The following NTN1 variants were observed in gnomAD, a reference collection of about 807,000 sequenced individuals.
NTN1 encodes the protein netrin-1.
NTN1 carries 11 observed loss-of-function variants against 54.2 expected under a neutral mutation model. The observed-to-expected ratio is 0.20, with a 90% CI of 0.13 to 0.34. The LOEUF (loss-of-function observed/expected upper bound fraction) is 0.34. Among genes scored for constraint, NTN1 ranks in the 10% least tolerant of loss-of-function variants. The pLI, the probability that NTN1 is intolerant of heterozygous loss-of-function variation, is 1.00. For missense variants in NTN1, 740 were observed against 893.1 expected, an observed-to-expected ratio of 0.83 and a Z score of 2.18; for synonymous variants, 371 against 382.0, an observed-to-expected ratio of 0.97 and a Z score of 0.33.
In NTN1 at chr17:9,135,386, T is replaced by C. The variant is rs2092277675; in HGVS notation, c.1019-27427T>C. ...CCTGCCAACCAGACCACACTAACGTTGTTCTCATGCACGGCTTCCTCTGGC... is the reference window on the plus strand; with the variant it reads ...CCTGCCAACCAGACCACACTAACGTCGTTCTCATGCACGGCTTCCTCTGGC... On this transcript the variant is annotated intron_variant, in intron 2 of 6. Transcript: ENST00000173229. The surrounding 1 kb of genome is among the most constrained non-coding windows in gnomAD (Gnocchi z 4.4). Among the ~76,000 whole-genome samples, 1 of 152,180 alleles carries C rather than the reference T, an allele frequency of 6.6e-6. No homozygotes were observed. The highest frequency in any genetic ancestry group is 2.4e-5 in the African/African-American group (1 of 41,456).
the NTN1 span, among the ~76,000 whole-genome samples, chr17:9,003,535 G>A: frequency 5.4e-5 from 8 of 148,622 alleles, no homozygotes; most frequent in Admixed American, 1.3e-4. This position sits in a 1 kb window ranked among gnomAD's most constrained non-coding sequence, Gnocchi z 7.4. Context: ...CGCTGGCCCC[G>A]CGGTCGCGCA....
rs73259935 is a variant in NTN1 at position 9,209,421 on chromosome 17, G to A, written c.1412-11747G>A. ...AATCGATATTGCAGGGGGCCAGAGC[G>A]GACCTGTCAGACTCAGGCCTGGTGT... On this transcript the variant is annotated intron_variant, in intron 5 of 6. Transcript: ENST00000173229. Among the ~76,000 whole-genome samples the A allele has an allele frequency of 5.0e-3, 760 of 152,342 alleles. 9 individuals carry two copies. Among genetic ancestry groups the A allele is most frequent in the African/African-American group, 0.017 (727 of 41,574 alleles).
At chr17:9,226,162 C>CGGGGG (rs71135953) in intron 6 of NTN1, among the ~76,000 whole-genome samples, 12 of 116,526 alleles carry the variant, frequency 1.0e-4, no homozygotes, top group South Asian at 3.4e-4. Context: ...GATTTGGGGT[C>CGGGGG]GGGGGGGGGC....
chr17:9,023,355 C>G lies in NTN1; in HGVS notation c.982C>G (p.Gln328Glu). Residue 328 changes from glutamine to glutamate, a missense_variant, in exon 2 of 7, where the codon CAG becomes GAG. Gln to Glu is a conservative substitution (Grantham distance 29). Transcript: ENST00000173229. ...CKPFHYDRPW[Q>E]RATAREANEC... ...GCCCTTCCACTACGACCGGCCCTGG[C>G]AGCGCGCCACAGCCCGCGAAGCCAA... is the stretch of plus-strand genomic sequence containing the variant. 2 of 1,488,616 alleles carry G rather than the reference C, an allele frequency of 1.3e-6. No individual in the cohort carries two copies. The highest frequency in any genetic ancestry group is 1.8e-6 in the Non-Finnish European group (2 of 1,119,084). 92.2% of individuals were successfully genotyped at this position (1,488,616 alleles called of 1,614,324 possible). A position where few individuals can be genotyped will look rare whatever the true frequency, so the allele number is the denominator to read the frequency against.
intron 2 of NTN1, among the ~76,000 whole-genome samples, chr17:9,127,074 G>GA (rs1555570072): frequency 1.3e-5 from 2 of 149,828 alleles, no homozygotes; most frequent in African/African-American, 4.9e-5. Flanking sequence ...GTAGGGCCGG[G>GA]GGGGGGCAGG....
At position 9,239,561 on chromosome 17, in the gene NTN1, C is replaced by A. The variant is rs992121605; in HGVS notation, c.1487-79C>A. Reference sequence around the variant, plus strand: ...CACTTCCTGGGGCTGGGTCTCCTTTCCCTTCTCCCCAGGCTCAGGCAGGGC... The same window carrying A: ...CACTTCCTGGGGCTGGGTCTCCTTTACCTTCTCCCCAGGCTCAGGCAGGGC... On this transcript the variant is annotated intron_variant, in intron 6 of 6. Coordinates refer to ENST00000173229, the MANE Select transcript of NTN1 (RefSeq NM_004822.3). The surrounding 1 kb of genome is among the most constrained non-coding windows in gnomAD (Gnocchi z 5.2). 2 of 1,438,518 alleles carry A rather than the reference C, an allele frequency of 1.4e-6. No homozygotes were observed. Among genetic ancestry groups the A allele is most frequent in the African/African-American group, 2.8e-5 (2 of 71,648 alleles). 89.1% of individuals were successfully genotyped at this position (1,438,518 alleles called of 1,614,324 possible).
At chr17:9,017,007 C>A (rs2091833369), upstream of NTN1, among the ~76,000 whole-genome samples, 1 of 152,212 alleles carries the variant, frequency 6.6e-6, no homozygotes, top group South Asian at 2.1e-4. Flanking sequence ...CCATCCTCAG[C>A]AGATGGTGTC....
rs1905368543 is a variant in NTN1 at position 9,221,856 on chromosome 17, C to T, written c.1486+614C>T. Among the ~76,000 whole-genome samples, 1 of 152,148 alleles carries T rather than the reference C, an allele frequency of 6.6e-6. No homozygotes were observed. Among genetic ancestry groups the T allele is most frequent in the Non-Finnish European group, 1.5e-5 (1 of 68,024 alleles). On this transcript the variant is annotated intron_variant, in intron 6 of 6. Transcript: ENST00000173229. The surrounding 1 kb of genome is among the most constrained non-coding windows in gnomAD (Gnocchi z 4.5). ...GGGAAGGGTGTGTCCTGTCCCCTTG[C>T]TCTCATGGTGGTCGTGGAGAGTGGA...
chr17:9,158,747 G>A (rs757545962), intron 2 of NTN1, among the ~76,000 whole-genome samples: 15 of 152,286 alleles, frequency 9.8e-5, no homozygotes, highest in Non-Finnish European at 1.5e-4. Context: ...GTGTGCAGGC[G>A]TGACAGTCGT....
intron 2 of NTN1, among the ~76,000 whole-genome samples, chr17:9,096,796 G>C (rs1259849645): frequency 1.3e-5 from 2 of 152,162 alleles, no homozygotes; most frequent in African/African-American, 4.8e-5. Context: ...GATAATAGCA[G>C]GCGTCTTTGT....
intron 2 of NTN1, among the ~76,000 whole-genome samples, chr17:9,145,053 C>G (rs917482368): frequency 3.3e-5 from 5 of 152,238 alleles, no homozygotes; most frequent in Admixed American, 3.3e-4. Context: ...CCCCCCGAGG[C>G]TGGCCGGCTC....
upstream of NTN1, among the ~76,000 whole-genome samples, chr17:9,020,152 G>A (rs1212585250): frequency 6.6e-6 from 1 of 152,194 alleles, no homozygotes; most frequent in Non-Finnish European, 1.5e-5. Flanking sequence ...GATTCTCAGG[G>A]TTTATGAAAA....
intron 2 of NTN1, among the ~76,000 whole-genome samples, chr17:9,053,721 G>A (rs1172740598): frequency 5.3e-5 from 8 of 152,316 alleles, no homozygotes; most frequent in Non-Finnish European, 1.0e-4. Context: ...AGCCACCTTC[G>A]GCTTCTTGCT....
intron 2 of NTN1, among the ~76,000 whole-genome samples, chr17:9,148,463 C>T (rs2092319654): frequency 6.6e-6 from 1 of 152,132 alleles, no homozygotes; most frequent in Non-Finnish European, 1.5e-5. Context: ...TGCGTGAAAT[C>T]GTACATCTTA....
intron 2 of NTN1, among the ~76,000 whole-genome samples, chr17:9,125,313 G>A (rs1024485443): frequency 6.6e-6 from 1 of 151,240 alleles, no homozygotes; most frequent in African/African-American, 2.4e-5. Flanking sequence ...CGTAACCTCC[G>A]CCTCCCGGGT....
chr17:9,006,178 G>A, the NTN1 span, among the ~76,000 whole-genome samples: 2 of 145,408 alleles, frequency 1.4e-5, no homozygotes, highest in Non-Finnish European at 3.0e-5. Context: ...AGGTACGGGG[G>A]TGGTGGGTAG....
intron 2 of NTN1, among the ~76,000 whole-genome samples, chr17:9,035,092 G>T (rs902049827): frequency 1.1e-4 from 17 of 151,946 alleles, no homozygotes; most frequent in Non-Finnish European, 2.4e-4. Context: ...GACTACAGGC[G>T]CCCGCCACCA....
At chr17:9,022,000 C>T (rs987424549) in intron 1 of NTN1, among the ~76,000 whole-genome samples, 7 of 152,172 alleles carry the variant, frequency 4.6e-5, no homozygotes, top group South Asian at 2.1e-4. Flanking sequence ...GCGCCCGAAA[C>T]TTGGGGTGCG....
the NTN1 span, among the ~76,000 whole-genome samples, chr17:9,007,437 T>C: frequency 1.3e-5 from 2 of 150,838 alleles, no homozygotes; most frequent in African/African-American, 4.9e-5. Flanking sequence ...CTTTCTTCCC[T>C]TCCTTCCTTT....
Sources: gnomAD v4.1 joint callset for allele counts (sites outside exome capture counted in the v4.1 genomes callset) on GRCh38, gnomAD v4.1.1 for gene constraint, Gnocchi (gnomAD v3.1) non-coding constraint, MANE v1.5 for transcripts, NCBI Gene and HGNC (gene_info 2026-07-23, HGNC 2026-07-21) for gene names.